The following ASTN2 variants were observed in gnomAD, a reference collection of about 807,000 sequenced individuals.
The protein encoded by ASTN2 is astrotactin-2.
Under a neutral mutation model 139.8 loss-of-function variants are expected in ASTN2, and 54 were observed. The observed-to-expected ratio is 0.39, with a 90% CI of 0.31 to 0.48. The LOEUF (loss-of-function observed/expected upper bound fraction) is 0.48, where lower values mean the gene tolerates loss of function less well. ASTN2 is among the 20% of genes least tolerant of loss of function. ASTN2 has a pLI of 0.95. For synonymous variants in ASTN2, 756 were observed against 719.5 expected, an observed-to-expected ratio of 1.05 and a Z score of -0.81; for missense variants, 1,565 against 1,725.1, an observed-to-expected ratio of 0.91 and a Z score of 1.64.
At chr9:117,115,582 A>G in intron 4 of ASTN2, among the ~76,000 whole-genome samples, 1 of 152,152 alleles carries the variant, frequency 6.6e-6, no homozygotes, top group Non-Finnish European at 1.5e-5. Flanking sequence ...CTTAAGTGAG[A>G]TAATACATTT....
chr9:116,589,812 A>T (rs917212951), intron 19 of ASTN2, among the ~76,000 whole-genome samples: 1 of 152,168 alleles, frequency 6.6e-6, no homozygotes, highest in Non-Finnish European at 1.5e-5. Flanking sequence ...TACCAATCAG[A>T]CATCTTCCTC....
intron 3 of ASTN2, among the ~76,000 whole-genome samples, chr9:117,147,959 C>T (rs2132872943): frequency 6.6e-6 from 1 of 152,288 alleles, no homozygotes; most frequent in African/African-American, 2.4e-5. Flanking sequence ...AGCTTAGCTC[C>T]TCTTCAGATC....
chr9:116,899,833 T>C (rs1833963844), intron 10 of ASTN2, among the ~76,000 whole-genome samples: 1 of 152,164 alleles, frequency 6.6e-6, no homozygotes, highest in Admixed American at 6.5e-5. Flanking sequence ...ATAACACTAC[T>C]GTTGTAAAAC....
chr9:117,275,381 C>A (rs951044288), intron 2 of ASTN2, among the ~76,000 whole-genome samples: 3 of 152,056 alleles, frequency 2.0e-5, no homozygotes, highest in Non-Finnish European at 2.9e-5. Flanking sequence ...ACTGGATGGC[C>A]TCAACAACAG....
At chr9:117,179,201 G>T (rs1830993606) in intron 3 of ASTN2, among the ~76,000 whole-genome samples, 1 of 152,054 alleles carries the variant, frequency 6.6e-6, no homozygotes, top group Non-Finnish European at 1.5e-5. Context: ...CCAACCACCA[G>T]AGCTTTCTTT....
chr9:116,598,849 T>C (rs1854721352), intron 19 of ASTN2, among the ~76,000 whole-genome samples: 1 of 152,214 alleles, frequency 6.6e-6, no homozygotes, highest in African/African-American at 2.4e-5. Flanking sequence ...TTCACAGAGC[T>C]AGGAGTCTTG....
intron 22 of ASTN2, among the ~76,000 whole-genome samples, chr9:116,429,016 C>T (rs574229223): frequency 1.3e-5 from 2 of 152,116 alleles, no homozygotes; most frequent in African/African-American, 2.4e-5. Context: ...TTGAGGAGAA[C>T]TGAGCGGAAG....
intron 6 of ASTN2, among the ~76,000 whole-genome samples, chr9:117,032,735 G>T (rs1838282982): frequency 6.6e-6 from 1 of 152,110 alleles, no homozygotes; most frequent in African/African-American, 2.4e-5. Flanking sequence ...GTAGACAAGT[G>T]TTATTATTCA....
At chr9:117,132,712 G>A (rs547329861) in intron 4 of ASTN2, among the ~76,000 whole-genome samples, 6 of 152,258 alleles carry the variant, frequency 3.9e-5, no homozygotes, top group Admixed American at 6.5e-5. Context: ...GTGGGTCACC[G>A]GGTTGGTGGT....
At chr9:116,787,333 GC>G (rs1183887619) in intron 13 of ASTN2, among the ~76,000 whole-genome samples, 3 of 152,134 alleles carry the variant, frequency 2.0e-5, no homozygotes, top group Non-Finnish European at 4.4e-5. Flanking sequence ...TTCTTTCTCT[GC>G]CCCTTTAAGA....
At chr9:116,721,307 GA>G (rs2132110199) in intron 16 of ASTN2, among the ~76,000 whole-genome samples, 1 of 152,292 alleles carries the variant, frequency 6.6e-6, no homozygotes, top group Admixed American at 6.5e-5. Context: ...ATCTCCAAAT[GA>G]GAAAGTCTTT....
intron 1 of ASTN2, among the ~76,000 whole-genome samples, chr9:117,399,684 T>C (rs1830771252): frequency 1.3e-5 from 2 of 152,266 alleles, no homozygotes; most frequent in Non-Finnish European, 2.9e-5. Flanking sequence ...CCTGCTTTTC[T>C]ATACCACTAG....
intron 19 of ASTN2, among the ~76,000 whole-genome samples, chr9:116,506,817 C>T (rs1454360275): frequency 2.6e-5 from 4 of 152,120 alleles, no homozygotes; most frequent in Admixed American, 6.6e-5. Context: ...GGGGAGGGAG[C>T]GACTTACTGA....
chr9:116,446,358 C>T (rs1366900248), intron 20 of ASTN2, among the ~76,000 whole-genome samples: 1 of 151,414 alleles, frequency 6.6e-6, no homozygotes, highest in African/African-American at 2.4e-5. Context: ...GTCAGCCTCT[C>T]TCTGCTTAGT....
intron 16 of ASTN2, among the ~76,000 whole-genome samples, chr9:116,672,934 T>G (rs1180559604): frequency 6.6e-6 from 1 of 152,240 alleles, no homozygotes; most frequent in Non-Finnish European, 1.5e-5. Flanking sequence ...TTACTCCATA[T>G]TAGGCAAAGT....
intron 1 of ASTN2, among the ~76,000 whole-genome samples, chr9:117,382,122 C>A (rs1222383144): frequency 6.6e-6 from 1 of 152,118 alleles, no homozygotes; most frequent in Non-Finnish European, 1.5e-5. Context: ...AAGGTAATAA[C>A]AATTCTATTA....
At chr9:117,268,356 C>A (rs757106300) in intron 2 of ASTN2, among the ~76,000 whole-genome samples, 5 of 152,180 alleles carry the variant, frequency 3.3e-5, no homozygotes, top group Non-Finnish European at 7.3e-5. Flanking sequence ...GACTTACCAG[C>A]ATCATCTTCT....
chr9:116,627,328 T>C (rs1024242562), intron 17 of ASTN2, among the ~76,000 whole-genome samples: 1 of 152,140 alleles, frequency 6.6e-6, no homozygotes, highest in African/African-American at 2.4e-5. Context: ...CTGAAGTGCA[T>C]ACAAGCATAT....
intron 19 of ASTN2, among the ~76,000 whole-genome samples, chr9:116,496,029 C>T (rs1849658913): frequency 1.3e-5 from 2 of 152,276 alleles, no homozygotes; most frequent in East Asian, 1.9e-4. Context: ...GTATGGCTTA[C>T]TCCCTCTCCT....
Sources: gnomAD v4.1 joint callset for allele counts (sites outside exome capture counted in the v4.1 genomes callset) on GRCh38, gnomAD v4.1.1 for gene constraint, MANE v1.5 for transcripts, NCBI Gene and HGNC (gene_info 2026-07-23, HGNC 2026-07-21) for gene names.